Variants in CDH12 observed in about 807,000 individuals in gnomAD.
The protein encoded by CDH12 is cadherin-12.
Under a neutral mutation model 74.1 loss-of-function variants are expected in CDH12, and 41 were observed. The observed-to-expected ratio is 0.55, with a 90% confidence interval of 0.43 to 0.72. The LOEUF is 0.72. Among genes scored for constraint, CDH12 ranks in the 30% least tolerant of loss-of-function variants. CDH12 has a pLI of 0.00. For missense variants in CDH12, 945 were observed against 977.2 expected (o/e 0.97, Z 0.44); for synonymous variants, 399 against 355.0 (o/e 1.12, Z -1.39).
chr5:22,227,100 T>A (rs540412672), intron 3 of CDH12, among the ~76,000 whole-genome samples: 1 of 152,124 alleles, frequency 6.6e-6, no homozygotes. Context: ...AGTTAACACG[T>A]CTGGATTCAT....
At chr5:22,650,152 A>G (rs533021739) in intron 1 of CDH12, among the ~76,000 whole-genome samples, 1 of 152,148 alleles carries the variant, frequency 6.6e-6, no homozygotes, top group South Asian at 2.1e-4. Context: ...ATATAACAAA[A>G]TTGTAAATAA....
At chr5:22,585,778 C>T (rs1740365412) in intron 1 of CDH12, among the ~76,000 whole-genome samples, 1 of 151,734 alleles carries the variant, frequency 6.6e-6, no homozygotes, top group Non-Finnish European at 1.5e-5. Context: ...TTTTTTGGAG[C>T]TTTATGGTTT....
intron 1 of CDH12, among the ~76,000 whole-genome samples, chr5:22,811,257 A>G (rs1749136012): frequency 6.6e-6 from 1 of 152,114 alleles, no homozygotes; most frequent in Admixed American, 6.6e-5. Context: ...AAGCGAGGGC[A>G]ATAGTCTTGG....
intron 4 of CDH12, among the ~76,000 whole-genome samples, chr5:22,210,904 T>C (rs1387052508): frequency 6.6e-6 from 1 of 151,704 alleles, no homozygotes; most frequent in Non-Finnish European, 1.5e-5. Flanking sequence ...CTCTCAATTA[T>C]CTTTAATTCT....
At chr5:21,900,140 A>G (rs1047380985) in intron 6 of CDH12, among the ~76,000 whole-genome samples, 5 of 152,178 alleles carry the variant, frequency 3.3e-5, no homozygotes, top group African/African-American at 1.2e-4. Flanking sequence ...TGCTATTTAC[A>G]AGCATCACTT....
chr5:22,333,152 T>C (rs572284644), intron 3 of CDH12, among the ~76,000 whole-genome samples: 98 of 152,308 alleles, frequency 6.4e-4, no homozygotes, highest in Non-Finnish European at 8.7e-4. Context: ...AGGAATGTGA[T>C]AATGTCCTTT....
At chr5:22,129,919 TA>T (rs1244134249) in intron 4 of CDH12, among the ~76,000 whole-genome samples, 7 of 152,008 alleles carry the variant, frequency 4.6e-5, no homozygotes, top group African/African-American at 1.7e-4. Flanking sequence ...AAAAACACAT[TA>T]AAAAATCCTA....
intron 9 of CDH12, among the ~76,000 whole-genome samples, chr5:21,806,304 C>T (rs142677864): frequency 2.1e-4 from 32 of 152,244 alleles, no homozygotes; most frequent in Middle Eastern, 6.8e-3. Flanking sequence ...TTCCCATTAA[C>T]GTGGGCAGGT....
chr5:22,124,149 T>C (rs190240747), intron 4 of CDH12, among the ~76,000 whole-genome samples: 87 of 151,444 alleles, frequency 5.7e-4, no homozygotes, highest in Admixed American at 3.0e-3. Flanking sequence ...ATTATTATTA[T>C]TATTTTATTT....
intron 3 of CDH12, among the ~76,000 whole-genome samples, chr5:22,254,142 G>A (rs1465262477): frequency 6.6e-6 from 1 of 151,742 alleles, no homozygotes; most frequent in Non-Finnish European, 1.5e-5. Flanking sequence ...AATGTAACCT[G>A]ATAGTGCTGA....
chr5:22,451,012 T>C (rs553998299), intron 2 of CDH12, among the ~76,000 whole-genome samples: 5 of 151,778 alleles, frequency 3.3e-5, no homozygotes, highest in Admixed American at 6.6e-5. Flanking sequence ...AGTCACATTC[T>C]CAAAGCATTT....
Position 22,769,468 on chromosome 5 carries a change from A to T in CDH12, c.-523+83590T>A, listed in dbSNP as rs185789002. 2.5e-4 allele frequency among the ~76,000 whole-genome samples: 38 copies of T among 152,184 alleles called. No homozygotes were observed. The East Asian group carries it at 6.0e-3, about 24-fold the overall frequency. ...CCTTCTGCCACAGGCTGAAGGCTGC[A>T]CTGTTGGCTTCCCTACTTTTGAGGC... On this transcript the variant is annotated intron_variant, in intron 1 of 14. Transcript: ENST00000382254.
chr5:22,656,308 T>G (rs1212069042), intron 1 of CDH12, among the ~76,000 whole-genome samples: 1 of 152,194 alleles, frequency 6.6e-6, no homozygotes, highest in Non-Finnish European at 1.5e-5. Context: ...AGATTGAATA[T>G]TTATCTTTAA....
chr5:22,165,844 G>A (rs1420459147), intron 4 of CDH12, among the ~76,000 whole-genome samples: 17 of 152,144 alleles, frequency 1.1e-4, no homozygotes, highest in African/African-American at 2.4e-4. Flanking sequence ...TTCCACCAGC[G>A]CTAGGACAGT....
Position 21,755,604 on chromosome 5 carries a change from A to G in CDH12, c.1872T>C (p.Ile624=), listed in dbSNP as rs757757820. The change falls in exon 14 of 15, where the codon ATT becomes ATC. Residue 624 remains isoleucine, a synonymous_variant. Transcript: ENST00000382254. The part of the protein sequence containing the change: ...TGALIAILLC[I]VILLAIVVLY... ...ATTGAAACCAACCTAAGAGTATAAC[A>G]ATGCATAGTAGAATTGCAATCAACG... is the stretch of plus-strand genomic sequence containing the variant. The G allele has an allele frequency of 5.0e-6, 8 of 1,613,974 alleles. No homozygotes were observed. Among genetic ancestry groups the G allele is most frequent in the African/African-American group, 1.3e-5 (1 of 75,044 alleles).
intron 6 of CDH12, among the ~76,000 whole-genome samples, chr5:21,880,543 C>CTTCCTTCCTTCCTTCCTTCCCTTCT (rs1312188212): frequency 8.6e-6 from 1 of 116,914 alleles, no homozygotes; most frequent in South Asian, 3.3e-4. Context: ...CTTTTCCTTC[C>CTTCCTTCCTTCCTTCCTTCCCTTCT]TTCCTTCCTT....
chr5:22,620,925 C>T lies in CDH12; in HGVS notation c.-522-115561G>A, dbSNP rs188019526. On this transcript the variant is annotated intron_variant, in intron 1 of 14. Coordinates refer to ENST00000382254, the MANE Select transcript of CDH12 (RefSeq NM_004061.5). ...TGAAATGCATTCATTTCCTTTGCTG[C>T]TGTAAGAAAATTACCATAAACTTAG... Among the ~76,000 whole-genome samples, 453 of 152,280 alleles carry T rather than the reference C, an allele frequency of 3.0e-3. 2 individuals are homozygous for T. The highest frequency in any genetic ancestry group is 0.024 in the Middle Eastern group (7 of 294).
At chr5:22,179,237 T>C (rs1369405964) in intron 4 of CDH12, among the ~76,000 whole-genome samples, 2 of 152,178 alleles carry the variant, frequency 1.3e-5, no homozygotes, top group African/African-American at 4.8e-5. Flanking sequence ...TGAGGTTTTC[T>C]TCAATAGATA....
chr5:21,911,460 A>G (rs569036629), intron 6 of CDH12, among the ~76,000 whole-genome samples: 27 of 152,252 alleles, frequency 1.8e-4, no homozygotes, highest in African/African-American at 6.5e-4. Context: ...AAATAATACT[A>G]CAATATTATT....
Sources: allele counts gnomAD v4.1 joint callset (sites outside exome capture counted in the v4.1 genomes callset), GRCh38; gene constraint gnomAD v4.1.1; transcripts MANE v1.5; gene names NCBI Gene and HGNC (gene_info 2026-07-23, HGNC 2026-07-21).